KHDRBS2: variants seen among roughly 807,000 people sequenced by gnomAD.
KHDRBS2 encodes KH RNA binding domain containing, signal transduction associated 2, also known as KH domain-containing, RNA-binding, signal transduction-associated protein 2.
In KHDRBS2, 26 loss-of-function variants were observed where a neutral mutation model predicts 44.3. The observed-to-expected ratio is 0.59, with a 90% CI of 0.43 to 0.81. The LOEUF is 0.81. Among genes scored for constraint, KHDRBS2 ranks in the 40% least tolerant of loss-of-function variants. The pLI, the probability that KHDRBS2 is intolerant of heterozygous loss-of-function variation, is 0.00. For synonymous variants in KHDRBS2, 194 were observed against 151.1 expected, an observed-to-expected ratio of 1.28 and a Z score of -2.08; for missense variants, 476 against 433.1, an observed-to-expected ratio of 1.10 and a Z score of -0.88.
intron 2 of KHDRBS2, 112 bp from the exon 3 acceptor site, chr6:62,048,106 G>T (rs1263982139): frequency 1.6e-6 from 1 of 638,110 alleles, no homozygotes; most frequent in Non-Finnish European, 2.8e-6. Context: ...TGAGAAGAGA[G>T]TCATGCCATA....
chr6:62,024,115 A>C (rs575828245), intron 3 of KHDRBS2, among the ~76,000 whole-genome samples: 85 of 151,414 alleles, frequency 5.6e-4, no homozygotes, highest in African/African-American at 2.0e-3. Context: ...CTTTCTCATA[A>C]AAATTACCAA....
rs558275880 is a variant in KHDRBS2, at chr6:62,015,223, T to C, written c.336+32655A>G. 3.9e-5 allele frequency among the ~76,000 whole-genome samples: 6 copies of C among 152,296 alleles called. No homozygotes were observed. In the South Asian group the frequency reaches 1.2e-3, roughly 32 times the overall value. Reference sequence around the variant, plus strand: ...GATTAATACACACATAAAGTACATATGACATAACAGAGTTAGAGGAATTTT... The same window carrying C: ...GATTAATACACACATAAAGTACATACGACATAACAGAGTTAGAGGAATTTT... On this transcript the variant is annotated intron_variant, in intron 3 of 8. Transcript: ENST00000281156.
chr6:62,122,180 A>T (rs1368492911), intron 2 of KHDRBS2, among the ~76,000 whole-genome samples: 1 of 152,088 alleles, frequency 6.6e-6, no homozygotes, highest in East Asian at 1.9e-4. Context: ...ATGGTGCTTG[A>T]GGTGTCAGTG....
rs553418060 is a variant in KHDRBS2 at position 62,170,555 on chromosome 6, C to T, written c.219+6630G>A. Among the ~76,000 whole-genome samples, 37 of 152,236 alleles carry T rather than the reference C, an allele frequency of 2.4e-4. 1 individual carries two copies. The East Asian group carries it at 6.6e-3, about 27-fold the overall frequency. On this transcript the variant is annotated intron_variant, in intron 2 of 8. Coordinates refer to ENST00000281156, the MANE Select transcript of KHDRBS2 (RefSeq NM_152688.4). ...ACACTCTTAAGTGCCACCTACTGGA[C>T]TGTGGCCAAAAAATACAGGACTGAA... is the stretch of plus-strand genomic sequence containing the variant.
intron 2 of KHDRBS2, among the ~76,000 whole-genome samples, chr6:62,062,092 T>C (rs1009190158): frequency 2.0e-5 from 3 of 150,374 alleles, no homozygotes; most frequent in East Asian, 2.0e-4. Context: ...CCTAAATATA[T>C]ATGCACCCAA....
intron 2 of KHDRBS2, among the ~76,000 whole-genome samples, chr6:62,128,672 T>TA (rs386407299): frequency 6.6e-6 from 1 of 151,782 alleles, no homozygotes; most frequent in East Asian, 1.9e-4. Flanking sequence ...TGCTTTAATT[T>TA]TTTTTTGTTC....
At chr6:62,065,759 T>C (rs761439481) in intron 2 of KHDRBS2, among the ~76,000 whole-genome samples, 4 of 149,918 alleles carry the variant, frequency 2.7e-5, no homozygotes, top group Non-Finnish European at 4.4e-5. Context: ...AATGTGCACA[T>C]GTACCCTAAA....
At chr6:61,778,261 C>T (rs1254266061) in intron 6 of KHDRBS2, among the ~76,000 whole-genome samples, 2 of 152,154 alleles carry the variant, frequency 1.3e-5, no homozygotes, top group Admixed American at 1.3e-4. Context: ...GAGCCTCTGT[C>T]ACTAAGACAT....
At position 61,933,575 on chromosome 6, in the gene KHDRBS2, A is replaced by G. The variant is rs145227397; in HGVS notation, c.484-32204T>C. Among the ~76,000 whole-genome samples, 1,070 of 152,294 alleles carry G rather than the reference A, an allele frequency of 7.0e-3. 15 individuals carry two copies. Among genetic ancestry groups the G allele is most frequent in the African/African-American group, 0.024 (986 of 41,558 alleles). On this transcript the variant is annotated intron_variant, in intron 4 of 8. Coordinates refer to ENST00000281156, the MANE Select transcript of KHDRBS2 (RefSeq NM_152688.4). ...GTGGAAGGGATTTACACAAACCTAG[A>G]TAGTATAGCCTACCACACACCTAGG...
At chr6:61,762,386 A>T (rs1779392972) in intron 6 of KHDRBS2, among the ~76,000 whole-genome samples, 1 of 152,186 alleles carries the variant, frequency 6.6e-6, no homozygotes, top group Middle Eastern at 3.2e-3. Context: ...ACATGTTAAA[A>T]TTTCATCCAC....
chr6:62,077,710 T>G (rs1380924973), intron 2 of KHDRBS2, among the ~76,000 whole-genome samples: 1 of 152,048 alleles, frequency 6.6e-6, no homozygotes, highest in Non-Finnish European at 1.5e-5. Context: ...GAATGAGGGC[T>G]TGATTATACC....
chr6:61,900,473 AT>A (rs1364914111), intron 5 of KHDRBS2, among the ~76,000 whole-genome samples: 3 of 152,264 alleles, frequency 2.0e-5, no homozygotes, highest in South Asian at 2.1e-4. Flanking sequence ...GGCTATGAGT[AT>A]TTTTTATATT....
chr6:61,837,419 A>G (rs1016564072), intron 6 of KHDRBS2, among the ~76,000 whole-genome samples: 4 of 151,958 alleles, frequency 2.6e-5, no homozygotes, highest in African/African-American at 9.7e-5. Flanking sequence ...TTACTGGAGG[A>G]GAGTGTCACA....
the KHDRBS2 span, among the ~76,000 whole-genome samples, chr6:61,648,327 A>G: frequency 6.6e-6 from 1 of 152,074 alleles, no homozygotes; most frequent in Admixed American, 6.6e-5. Flanking sequence ...TTGTTTAGAT[A>G]AGGCTAGAAT....
the KHDRBS2 span, among the ~76,000 whole-genome samples, chr6:61,575,821 A>C: frequency 6.6e-6 from 1 of 152,156 alleles, no homozygotes; most frequent in Non-Finnish European, 1.5e-5. Flanking sequence ...GATGGAGTTG[A>C]AGACCATTAT....
intron 1 of KHDRBS2, among the ~76,000 whole-genome samples, chr6:62,211,495 G>T (rs1198157796): frequency 6.6e-6 from 1 of 152,080 alleles, no homozygotes; most frequent in Non-Finnish European, 1.5e-5. Context: ...TATCTATATT[G>T]TCAGTTGGGT....
intron 6 of KHDRBS2, among the ~76,000 whole-genome samples, chr6:61,733,093 C>A (rs1246088898): frequency 6.6e-6 from 1 of 151,988 alleles, no homozygotes; most frequent in East Asian, 1.9e-4. Flanking sequence ...ACTGTGCTAA[C>A]TTTATGGTGG....
At chr6:62,208,466 TTATC>T (rs1283432930) in intron 1 of KHDRBS2, among the ~76,000 whole-genome samples, 1 of 152,154 alleles carries the variant, frequency 6.6e-6, no homozygotes, top group Non-Finnish European at 1.5e-5. Context: ...CACATTTTCT[TTATC>T]TATTTGTGCA....
intron 2 of KHDRBS2, among the ~76,000 whole-genome samples, chr6:62,149,451 C>T (rs1814628188): frequency 6.6e-6 from 1 of 152,078 alleles, no homozygotes; most frequent in South Asian, 2.1e-4. Flanking sequence ...CCAAATCACC[C>T]TGCAGTTCAC....
Sources: gnomAD v4.1 joint callset for allele counts (sites outside exome capture counted in the v4.1 genomes callset) on GRCh38, gnomAD v4.1.1 for gene constraint, MANE v1.5 for transcripts, NCBI Gene and HGNC (gene_info 2026-07-23, HGNC 2026-07-21) for gene names.